TAMM41: variants seen among roughly 807,000 people sequenced by gnomAD.
The protein encoded by TAMM41 is phosphatidate cytidylyltransferase, mitochondrial.
In TAMM41, 36 loss-of-function variants were observed where a neutral mutation model predicts 44.1. The observed-to-expected ratio is 0.82, with a 90% CI of 0.63 to 1.08. The LOEUF is 1.08. TAMM41 is among the 50% of genes least tolerant of loss of function. The pLI is 0.00. For synonymous variants in TAMM41, 164 were observed against 153.1 expected (o/e 1.07, Z -0.53); for missense variants, 417 against 404.3 (o/e 1.03, Z -0.27).
At chr3:11,798,495 C>T (rs1180936334) in intron 7 of TAMM41, among the ~76,000 whole-genome samples, 1 of 152,048 alleles carries the variant, frequency 6.6e-6, no homozygotes, top group Non-Finnish European at 1.5e-5. Flanking sequence ...CTGGGGCATA[C>T]TGATGGGTGA....
chr3:11,764,486 CTTT>C, the TAMM41 span, among the ~76,000 whole-genome samples: 555 of 68,092 alleles, frequency 8.2e-3, 3 homozygotes, highest in African/African-American at 0.023. Flanking sequence ...TAATCTTATT[CTTT>C]TTTTTTTTTT....
At chr3:11,794,229 T>C (rs1297121702) in intron 7 of TAMM41, among the ~76,000 whole-genome samples, 2 of 152,092 alleles carry the variant, frequency 1.3e-5, no homozygotes, top group East Asian at 3.9e-4. Context: ...CTCGATCTTC[T>C]GGGCTCAAGA....
chr3:11,752,625 CTTTTTTTTTTTTTT>C, the TAMM41 span, among the ~76,000 whole-genome samples: 2 of 39,938 alleles, frequency 5.0e-5, no homozygotes, highest in Non-Finnish European at 1.0e-4. Flanking sequence ...TCTTACAAAG[CTTTTTTTTTTTTTT>C]TTTTTTTTTT....
chr3:11,809,373 T>G, intron 6 of TAMM41, 144 bp downstream of exon 6: 1 of 934,472 alleles, frequency 1.1e-6, no homozygotes, highest in Non-Finnish European at 1.6e-6. Context: ...TAGAAAACCC[T>G]CAAATTTTTA....
chr3:11,805,968 T>C (rs2077896383), intron 7 of TAMM41, among the ~76,000 whole-genome samples: 1 of 152,314 alleles, frequency 6.6e-6, no homozygotes, highest in African/African-American at 2.4e-5. Flanking sequence ...GCTGTTTTCA[T>C]AATAGTGAAT....
At chr3:11,735,348 A>G in the TAMM41 span, among the ~76,000 whole-genome samples, 1,356 of 152,184 alleles carry the variant, frequency 8.9e-3, 26 homozygotes, top group African/African-American at 0.031. Flanking sequence ...ACAGAGTGAG[A>G]TCTTGTCTCT....
chr3:11,796,382 C>T (rs1035926210), intron 7 of TAMM41, among the ~76,000 whole-genome samples: 2 of 152,074 alleles, frequency 1.3e-5, no homozygotes, highest in African/African-American at 2.4e-5. Flanking sequence ...AATAACATAC[C>T]ATAGTCATAG....
the TAMM41 span, among the ~76,000 whole-genome samples, chr3:11,724,172 C>T: frequency 3.3e-5 from 5 of 151,592 alleles, no homozygotes; most frequent in East Asian, 1.9e-4. Flanking sequence ...GGCATGATCT[C>T]GGCTCACTGC....
chr3:11,778,778 C>G, the TAMM41 span, among the ~76,000 whole-genome samples: 5 of 151,996 alleles, frequency 3.3e-5, no homozygotes, highest in African/African-American at 1.2e-4. Context: ...TGTTTATTGG[C>G]CATTCGTGTA....
chr3:11,762,650 G>A, the TAMM41 span, among the ~76,000 whole-genome samples: 10 of 152,124 alleles, frequency 6.6e-5, no homozygotes, highest in Non-Finnish European at 1.2e-4. Flanking sequence ...AGACATGCAA[G>A]GTAAGTGAAC....
chr3:11,739,874 T>C, the TAMM41 span, among the ~76,000 whole-genome samples: 1 of 151,972 alleles, frequency 6.6e-6, no homozygotes, highest in Non-Finnish European at 1.5e-5. Flanking sequence ...AACAACGCAG[T>C]CTCAGGGGCA....
intron 2 of TAMM41, among the ~76,000 whole-genome samples, chr3:11,839,873 A>G (rs1480577290): frequency 1.3e-5 from 2 of 152,172 alleles, no homozygotes; most frequent in Non-Finnish European, 1.5e-5. Flanking sequence ...AGGTCACAAG[A>G]CTTGTGAGTT....
intron 3 of TAMM41, among the ~76,000 whole-genome samples, chr3:11,831,576 T>C (rs1214194855): frequency 6.6e-6 from 1 of 152,222 alleles, no homozygotes; most frequent in African/African-American, 2.4e-5. Context: ...AGTTGCCTTT[T>C]ATTTGTCAAA....
At chr3:11,751,299 C>G in the TAMM41 span, among the ~76,000 whole-genome samples, 1 of 151,966 alleles carries the variant, frequency 6.6e-6, no homozygotes, top group Non-Finnish European at 1.5e-5. Flanking sequence ...ACCATGTTGG[C>G]CAGTCTGGTC....
chr3:11,742,657 G>T, the TAMM41 span, among the ~76,000 whole-genome samples: 1 of 147,612 alleles, frequency 6.8e-6, no homozygotes. Context: ...CATGATCATA[G>T]TTCACTGCAG....
chr3:11,729,538 C>CTT, the TAMM41 span, among the ~76,000 whole-genome samples: 27 of 65,538 alleles, frequency 4.1e-4, 1 homozygote, highest in African/African-American at 9.5e-4. Flanking sequence ...TTCTTTCTTT[C>CTT]ATTTTTTTTT....
At chr3:11,757,093 C>T in the TAMM41 span, among the ~76,000 whole-genome samples, 1 of 152,210 alleles carries the variant, frequency 6.6e-6, no homozygotes, top group African/African-American at 2.4e-5. Flanking sequence ...ATTATTATCC[C>T]ATTGTACAGA....
downstream of TAMM41, among the ~76,000 whole-genome samples, chr3:11,786,279 A>AAT (rs1329600936): frequency 1.2e-3 from 135 of 111,524 alleles, no homozygotes; most frequent in Middle Eastern, 4.5e-3. Context: ...TTATTTATTT[A>AAT]TTTAATTTTA....
intron 7 of TAMM41, among the ~76,000 whole-genome samples, chr3:11,798,761 G>C (rs997539044): frequency 6.6e-6 from 1 of 152,156 alleles, no homozygotes; most frequent in Non-Finnish European, 1.5e-5. Context: ...GCCTGTCACT[G>C]TTAGTTTACT....
Sources: allele counts gnomAD v4.1 joint callset (sites outside exome capture counted in the v4.1 genomes callset), GRCh38; gene constraint gnomAD v4.1.1; transcripts MANE v1.5; gene names NCBI Gene and HGNC (gene_info 2026-07-23, HGNC 2026-07-21).